The following NBPF20 variants were observed in gnomAD, a reference collection of about 807,000 sequenced individuals.
NBPF20 encodes NBPF family member NBPF20.
Under a neutral mutation model 68.1 loss-of-function variants are expected in NBPF20, and 90 were observed. That is an observed-to-expected ratio of 1.32 (90% CI 1.11 to 1.58). NBPF20 has a LOEUF of 1.58. Ranked by LOEUF, NBPF20 falls within the 40% of genes most tolerant of loss-of-function variation. The pLI, the probability that NBPF20 is intolerant of heterozygous loss-of-function variation, is 0.00. For missense variants in NBPF20, 816 were observed against 601.2 expected (o/e 1.36, Z -3.74); for synonymous variants, 290 against 228.1 (o/e 1.27, Z -2.45).
chr1:145,411,026 C>A, the NBPF20 span, among the ~76,000 whole-genome samples: 1 of 145,110 alleles, frequency 6.9e-6, no homozygotes, highest in Non-Finnish European at 1.5e-5. Context: ...TTTTTTTCAA[C>A]AAAACACATA....
chr1:145,405,861 G>T (rs1372638672), upstream of NBPF20: 8 of 197,916 alleles, frequency 4.0e-5, no homozygotes, highest in African/African-American at 9.6e-5. Flanking sequence ...CTTAATGGTA[G>T]TCATGAAGTC....
intron 133 of NBPF20, chr1:145,295,262 G>A (rs1661277837): frequency 4.1e-6 from 2 of 493,150 alleles, no homozygotes; most frequent in African/African-American, 5.7e-5. Context: ...AGTGCCCTCG[G>A]GACACACAGC....
In NBPF20 at chr1:145,394,965, G is replaced by C; in HGVS notation, c.991+13C>G. 1 of 1,611,832 alleles carries C rather than the reference G, an allele frequency of 6.2e-7. No individual in the cohort carries two copies. Among genetic ancestry groups the C allele is most frequent in the Non-Finnish European group, 8.5e-7 (1 of 1,179,802 alleles). On this transcript the variant is annotated intron_variant, in intron 8 of 137. Coordinates refer to ENST00000369373, the Ensembl canonical transcript of NBPF20. ...GAACTGGAGCTTTATCACCTTCACA[G>C]TGTAGTACTCACTGCCTATGTCAAC...
At chr1:145,405,205 T>G (rs868918737) in exon 2 of NBPF20, 90 of 1,611,658 alleles carry the variant, frequency 5.6e-5, no homozygotes, top group Middle Eastern at 1.9e-4. Flanking sequence ...GGGGCGCAAT[T>G]TCTCGTTGAT....
intron 112 of NBPF20, among the ~76,000 whole-genome samples, chr1:145,311,940 T>A (rs1344667858): frequency 9.4e-6 from 1 of 106,380 alleles, no homozygotes. Context: ...TTGTGTGAAT[T>A]TGTCACATCT....
rs1429125063 is a variant in NBPF20 at position 145,393,140 on chromosome 1, G to T, written c.1150C>A (p.Gln384Lys). ...ACGTAAAAGGCACTTCTGTAGGGCT[G>T]GCATGAGTCAGTCAGTTCAAGACAA... is the stretch of plus-strand genomic sequence containing the variant. Residue 384 changes from glutamine to lysine, a missense_variant, in exon 10 of 138, where the codon CAG (glutamine) becomes AAG (lysine). Coordinates refer to ENST00000369373, the Ensembl canonical transcript of NBPF20. 1.8e-4 allele frequency: 121 copies of T among 667,082 alleles called. 3 individuals are homozygous for T. Among genetic ancestry groups the T allele is most frequent in the South Asian group, 1.4e-3 (82 of 57,360 alleles). 41.3% of individuals were successfully genotyped at this position (667,082 alleles called of 1,614,324 possible).
upstream of NBPF20, chr1:145,405,651 C>G (rs1553667080): frequency 5.3e-6 from 3 of 571,336 alleles, no homozygotes; most frequent in South Asian, 6.2e-5. Flanking sequence ...TTTGCTGAAA[C>G]ACAGGCACCC....
At chr1:145,412,355 G>C in the NBPF20 span, among the ~76,000 whole-genome samples, 1 of 151,942 alleles carries the variant, frequency 6.6e-6, no homozygotes, top group African/African-American at 2.4e-5. Flanking sequence ...AGACACCCTT[G>C]GGTTGCTGCA....
rs1558972437 is a variant in NBPF20 at position 145,393,882 on chromosome 1, A to G, written c.1043+2T>C. The G allele has an allele frequency of 4.5e-6, 7 of 1,545,306 alleles. No individual in the cohort carries two copies. The South Asian group carries it at 6.7e-5, about 15-fold the overall frequency. On this transcript the variant is annotated splice_donor_variant, in intron 9 of 137. Coordinates refer to ENST00000369373, the Ensembl canonical transcript of NBPF20. LOFTEE classifies it high-confidence loss of function. Reference sequence around the variant, plus strand: ...TAACTCTCCACAATTTCTCAGACTCACCTGGGACCTGTTGCCTCTTGGTCC... The same window carrying G: ...TAACTCTCCACAATTTCTCAGACTCGCCTGGGACCTGTTGCCTCTTGGTCC...
At chr1:145,393,959 C>G in intron 8 of NBPF20, 24 bp from the exon 14 acceptor site, 5 of 1,224,612 alleles carry the variant, frequency 4.1e-6, no homozygotes, top group South Asian at 2.4e-5. Flanking sequence ...CAGATGGGCC[C>G]TCTTACATTA....
chr1:145,407,495 TATATA>T (rs1365777744), upstream of NBPF20, among the ~76,000 whole-genome samples: 1 of 145,964 alleles, frequency 6.9e-6, no homozygotes, highest in African/African-American at 2.5e-5. Context: ...CACATGAATA[TATATA>T]ATATATATAC....
chr1:145,291,727 T>C lies in NBPF20; in HGVS notation c.16740A>G (p.Leu5580=), dbSNP rs782645847. The C allele has an allele frequency of 5.4e-5, 87 of 1,611,840 alleles. No homozygotes were observed. The African/African-American group carries it at 6.7e-4, about 12-fold the overall frequency. Residue 5580 remains leucine, a synonymous_variant, in exon 138 of 138, where the codon TTA becomes TTG. Coordinates refer to ENST00000369373, the Ensembl canonical transcript of NBPF20. ...AATAACATCCATCCAGTGAGTCCTG[T>C]AAGACTTCAGGCTCTTCCACTTCCA...
chr1:145,424,359 C>CT, the NBPF20 span, among the ~76,000 whole-genome samples: 3 of 152,142 alleles, frequency 2.0e-5, no homozygotes, highest in East Asian at 3.9e-4. Flanking sequence ...TCTCAGAAAT[C>CT]TTAAAGCTAG....
intron 9 of NBPF20, chr1:145,393,624 G>A: frequency 1.2e-6 from 1 of 819,774 alleles, no homozygotes. Flanking sequence ...CATAAAATGT[G>A]CTCAAGTTTC....
the NBPF20 span, among the ~76,000 whole-genome samples, chr1:145,415,383 C>A: frequency 1.3e-4 from 19 of 151,518 alleles, no homozygotes; most frequent in Admixed American, 1.2e-3. Context: ...TGCAAAGAGG[C>A]CTTCCTTCCT....
At chr1:145,398,774 C>T (rs1366341285) in intron 7 of NBPF20, among the ~76,000 whole-genome samples, 182 of 151,856 alleles carry the variant, frequency 1.2e-3, no homozygotes, top group African/African-American at 4.3e-3. Context: ...TTCAAAAGAT[C>T]AATGAATCCA....
chr1:145,292,295 T>C (rs1221666744), intron 137 of NBPF20, 86 bp downstream of exon 142: 1 of 613,870 alleles, frequency 1.6e-6, no homozygotes, highest in Non-Finnish European at 2.9e-6. Flanking sequence ...GTTGAAAACA[T>C]GACATCAAAC....
At chr1:145,292,228 T>G (rs1661164740) in intron 137 of NBPF20, among the ~76,000 whole-genome samples, 153 bp downstream of exon 142, 1 of 149,220 alleles carries the variant, frequency 6.7e-6, no homozygotes, top group Non-Finnish European at 1.5e-5. Flanking sequence ...AATGGAAACC[T>G]AAACATCTAC....
chr1:145,405,113 G>T (rs782173491), exon 2 of NBPF20: 88 of 1,613,556 alleles, frequency 5.5e-5, no homozygotes, highest in Non-Finnish European at 7.5e-5. Flanking sequence ...TTCTTCTGCT[G>T]GTTGGCCAGG....
Sources: allele counts gnomAD v4.1 joint callset (sites outside exome capture counted in the v4.1 genomes callset), GRCh38; gene constraint gnomAD v4.1.1; transcripts MANE v1.5; gene names NCBI Gene and HGNC (gene_info 2026-07-23, HGNC 2026-07-21).